The following L3MBTL4 variants were observed in gnomAD, a reference collection of about 807,000 sequenced individuals.
L3MBTL4 encodes L3MBTL histone methyl-lysine binding protein 4, also known as lethal(3)malignant brain tumor-like protein 4.
L3MBTL4 carries 70 observed loss-of-function variants against 84.5 expected under a neutral mutation model. The ratio of observed to expected loss-of-function variants is 0.83; its 90% CI spans 0.68 to 1.01. The LOEUF (loss-of-function observed/expected upper bound fraction) is 1.01, where lower values mean the gene tolerates loss of function less well. Ranked by LOEUF, L3MBTL4 falls within the 50% of genes least tolerant of loss-of-function variation. The probability of loss-of-function intolerance (pLI) is 0.00; values close to 1 mark genes in which losing one functional copy is unlikely to be tolerated. For missense variants in L3MBTL4, 715 were observed against 754.8 expected (o/e 0.95, Z 0.62); for synonymous variants, 274 against 259.8 (o/e 1.05, Z -0.52).
At chr18:6,344,726 A>T (rs149430197) in intron 1 of L3MBTL4, among the ~76,000 whole-genome samples, 9 of 152,234 alleles carry the variant, frequency 5.9e-5, no homozygotes, top group African/African-American at 1.7e-4. Context: ...GGATGGTTCA[A>T]CATATCAAAA....
intron 13 of L3MBTL4, among the ~76,000 whole-genome samples, chr18:6,152,465 T>C (rs567571349): frequency 1.3e-5 from 2 of 152,230 alleles, no homozygotes; most frequent in Non-Finnish European, 1.5e-5. Context: ...TAGTTTTGAT[T>C]TGCATTTCTC....
chr18:6,015,995 G>A (rs1356988002), intron 16 of L3MBTL4, among the ~76,000 whole-genome samples: 1 of 152,162 alleles, frequency 6.6e-6, no homozygotes, highest in Non-Finnish European at 1.5e-5. Context: ...TCACAACTCG[G>A]TGCAGTCTCT....
intron 1 of L3MBTL4, among the ~76,000 whole-genome samples, chr18:6,399,385 C>A (rs2055417844): frequency 6.6e-6 from 1 of 151,206 alleles, no homozygotes; most frequent in African/African-American, 2.4e-5. Flanking sequence ...TGCAGAGAGC[C>A]AAGACTGAAC....
In L3MBTL4 at chr18:5,997,858, G is replaced by A. The variant is rs1051089264; in HGVS notation, c.1445-28296C>T. On this transcript the variant is annotated intron_variant, in intron 16 of 18. Coordinates refer to ENST00000317931, the MANE Select transcript of L3MBTL4 (RefSeq NM_001330559.2). ...ACAAGTATAATGGTGGATGTTTGTG[G>A]GTTATATGTAAGTATTACTCCACCT... is the stretch of plus-strand genomic sequence containing the variant. Among the ~76,000 whole-genome samples the A allele has an allele frequency of 2.6e-5, 4 of 151,968 alleles. No individual in the cohort carries two copies. The South Asian group carries it at 6.2e-4, about 24-fold the overall frequency.
intron 4 of L3MBTL4, among the ~76,000 whole-genome samples, chr18:6,277,059 C>T (rs1455045632): frequency 2.0e-5 from 3 of 147,200 alleles, no homozygotes; most frequent in Non-Finnish European, 4.4e-5. Flanking sequence ...CTGAGTTCTT[C>T]CTTACCCTAG....
intron 9 of L3MBTL4, 29 bp downstream of exon 9, chr18:6,239,689 C>T: frequency 1.2e-6 from 2 of 1,605,184 alleles, no homozygotes; most frequent in Non-Finnish European, 8.5e-7. Flanking sequence ...TATGAATACA[C>T]AAAAATAAAA....
At chr18:6,106,381 T>C (rs990648010) in intron 14 of L3MBTL4, among the ~76,000 whole-genome samples, 1 of 152,146 alleles carries the variant, frequency 6.6e-6, no homozygotes, top group Admixed American at 6.5e-5. Context: ...GAAGAATGAG[T>C]AGGGAACATA....
chr18:6,030,907 G>A (rs2055766366), intron 16 of L3MBTL4: 5 of 984,912 alleles, frequency 5.1e-6, no homozygotes, highest in Non-Finnish European at 6.0e-6. Context: ...ACACCCAGAG[G>A]TTTTTCCCTT....
At chr18:6,115,799 G>T (rs2059339208) in intron 14 of L3MBTL4, among the ~76,000 whole-genome samples, 2 of 152,220 alleles carry the variant, frequency 1.3e-5, no homozygotes, top group African/African-American at 4.8e-5. Context: ...GTCGTCTTCA[G>T]ACCTGTGTAC....
At chr18:6,232,170 C>T (rs529046481) in intron 10 of L3MBTL4, among the ~76,000 whole-genome samples, 4 of 152,132 alleles carry the variant, frequency 2.6e-5, no homozygotes, top group East Asian at 1.9e-4. Flanking sequence ...CATTTTGTTG[C>T]CGTGGTATAT....
chr18:6,304,091 G>A (rs11660566), intron 3 of L3MBTL4, among the ~76,000 whole-genome samples: 28,584 of 150,716 alleles, frequency 0.19, 2,853 homozygotes, highest in African/African-American at 0.23. Flanking sequence ...TCAAAAATGA[G>A]TCATGTATAC....
chr18:6,128,935 T>C (rs1040066193), intron 14 of L3MBTL4, among the ~76,000 whole-genome samples: 1 of 152,026 alleles, frequency 6.6e-6, no homozygotes, highest in Non-Finnish European at 1.5e-5. Context: ...TGGCTGTAGC[T>C]GAGTCAAAAG....
At chr18:6,138,696 C>CA in intron 13 of L3MBTL4, among the ~76,000 whole-genome samples, 1 of 152,116 alleles carries the variant, frequency 6.6e-6, no homozygotes, top group Non-Finnish European at 1.5e-5. Flanking sequence ...GAATTGCAGG[C>CA]AAGCACCACC....
chr18:5,962,796 C>G (rs2095269974), intron 17 of L3MBTL4, among the ~76,000 whole-genome samples: 1 of 152,276 alleles, frequency 6.6e-6, no homozygotes, highest in East Asian at 1.9e-4. Flanking sequence ...CAAAGATGAG[C>G]GCAGGAAAAT....
At chr18:5,978,686 C>G (rs2053071005) in intron 16 of L3MBTL4, among the ~76,000 whole-genome samples, 1 of 152,204 alleles carries the variant, frequency 6.6e-6, no homozygotes, top group African/African-American at 2.4e-5. Context: ...CCTTATACAT[C>G]TGTGAGTAGG....
chr18:6,149,129 T>C (rs1331048151), intron 13 of L3MBTL4, among the ~76,000 whole-genome samples: 1 of 151,876 alleles, frequency 6.6e-6, no homozygotes, highest in African/African-American at 2.4e-5. Flanking sequence ...ACACGTGCCA[T>C]GTTGGTGTGC....
At chr18:6,071,757 G>C (rs868017582) in intron 16 of L3MBTL4, among the ~76,000 whole-genome samples, 1 of 52,762 alleles carries the variant, frequency 1.9e-5, no homozygotes, top group Non-Finnish European at 4.3e-5. Flanking sequence ...AAGAAAGAAA[G>C]AAAAAAAGAA....
intron 16 of L3MBTL4, among the ~76,000 whole-genome samples, chr18:6,070,157 T>A (rs2057537618): frequency 6.6e-6 from 1 of 152,044 alleles, no homozygotes; most frequent in South Asian, 2.1e-4. Flanking sequence ...GAGATAATGG[T>A]CAAATTTTTC....
chr18:6,242,246 C>G (rs74810696), intron 7 of L3MBTL4, among the ~76,000 whole-genome samples: 1 of 152,140 alleles, frequency 6.6e-6, no homozygotes, highest in African/African-American at 2.4e-5. Flanking sequence ...CCTGCCCCGG[C>G]GCCTGCTCCT....
Sources: gnomAD v4.1 joint callset for allele counts (sites outside exome capture counted in the v4.1 genomes callset) on GRCh38, gnomAD v4.1.1 for gene constraint, MANE v1.5 for transcripts, NCBI Gene and HGNC (gene_info 2026-07-23, HGNC 2026-07-21) for gene names.